The following ELF5 variants were observed in gnomAD, a reference collection of about 807,000 sequenced individuals.
The protein encoded by ELF5 is E74 like ETS transcription factor 5, also known as ETS-related transcription factor Elf-5.
ELF5 carries 31 observed loss-of-function variants against 38.2 expected under a neutral mutation model. The ratio of observed to expected loss-of-function variants is 0.81; its 90% CI spans 0.61 to 1.10. ELF5 has a LOEUF of 1.10. Among genes scored for constraint, ELF5 ranks in the 50% least tolerant of loss-of-function variants. The pLI is 0.00. For missense variants in ELF5, 300 were observed against 306.6 expected, an observed-to-expected ratio of 0.98 and a Z score of 0.16; for synonymous variants, 121 against 112.5, an observed-to-expected ratio of 1.08 and a Z score of -0.48.
intron 1 of ELF5, among the ~76,000 whole-genome samples, chr11:34,513,242 G>T (rs1283981820): frequency 6.6e-6 from 1 of 152,242 alleles, no homozygotes; most frequent in Non-Finnish European, 1.5e-5. Context: ...CTGTATCGAG[G>T]GGGTGGGGGA....
chr11:34,484,525 A>ATACTATAC (rs1849930418), intron 4 of ELF5, among the ~76,000 whole-genome samples: 1 of 151,102 alleles, frequency 6.6e-6, no homozygotes, highest in Admixed American at 6.7e-5. Flanking sequence ...ATACTATACT[A>ATACTATAC]TATTATACTG....
chr11:34,488,289 A>G (rs969464588), intron 4 of ELF5, among the ~76,000 whole-genome samples: 1 of 152,212 alleles, frequency 6.6e-6, no homozygotes, highest in Non-Finnish European at 1.5e-5. Flanking sequence ...GTAAGTGTCC[A>G]ATAAATGTTT....
chr11:34,493,478 C>A lies in ELF5; in HGVS notation c.355+1G>T, dbSNP rs765407580. The A allele has an allele frequency of 1.9e-6, 3 of 1,613,064 alleles. No individual in the cohort carries two copies. The Admixed American group carries it at 5.0e-5, about 27-fold the overall frequency. On this transcript the variant is annotated splice_donor_variant, in intron 3 of 6. Coordinates refer to ENST00000257832, the MANE Select transcript of ELF5 (RefSeq NM_001422.4). LOFTEE classifies it high-confidence loss of function. ...GGAGGTCTGGCCCTCTGAACACTGACCTTGTGTGCGGATGTTCTGGAGGAT... is the reference window on the plus strand; with the variant it reads ...GGAGGTCTGGCCCTCTGAACACTGAACTTGTGTGCGGATGTTCTGGAGGAT...
intron 2 of ELF5, among the ~76,000 whole-genome samples, chr11:34,498,260 T>A (rs1850364000): frequency 6.6e-6 from 1 of 152,206 alleles, no homozygotes; most frequent in Admixed American, 6.5e-5. Context: ...CAAGTGCTCA[T>A]TAAATATCAT....
chr11:34,480,229 C>T lies in ELF5; in HGVS notation c.757G>A (p.Asp253Asn), dbSNP rs767909038. ...FGKNAHGWQE[D>N]KL ...ATGCCTGGAGCAGATCATAGCTTGT[C>T]TTCCTGCCACCCGTGTGCATTTTTT... Residue 253 changes from aspartate (D) to asparagine (N), a missense_variant, in exon 7 of 7, where the codon GAC becomes AAC. Coordinates refer to ENST00000257832, the MANE Select transcript of ELF5 (RefSeq NM_001422.4). 1 of 1,614,020 alleles carries T rather than the reference C, an allele frequency of 6.2e-7. No individual in the cohort carries two copies. Among genetic ancestry groups the T allele is most frequent in the East Asian group, 2.2e-5 (1 of 44,872 alleles).
At chr11:34,507,586 G>A (rs1037251725) in intron 1 of ELF5, among the ~76,000 whole-genome samples, 1 of 152,206 alleles carries the variant, frequency 6.6e-6, no homozygotes, top group Non-Finnish European at 1.5e-5. Flanking sequence ...GCCCCCGCTT[G>A]CACACATTCT....
intron 2 of ELF5, among the ~76,000 whole-genome samples, chr11:34,504,677 C>T (rs929485546): frequency 1.4e-4 from 21 of 152,212 alleles, no homozygotes; most frequent in African/African-American, 4.1e-4. Flanking sequence ...CGCTGAGCAG[C>T]GTGTGCTCCT....
Position 34,480,026 on chromosome 11 carries a change from A to G in ELF5, c.*192T>C. ...CCTTAGGGAGAAGAAAGGATTTCTTAAGAGTTTCTGCTCTCACCCTCCATA... is the reference window on the plus strand; with the variant it reads ...CCTTAGGGAGAAGAAAGGATTTCTTGAGAGTTTCTGCTCTCACCCTCCATA... On this transcript the variant is annotated 3_prime_UTR_variant, in exon 7 of 7. Transcript: ENST00000257832. 1 of 587,898 alleles carries G rather than the reference A, an allele frequency of 1.7e-6. No individual in the cohort carries two copies. Among genetic ancestry groups the G allele is most frequent in the Non-Finnish European group, 3.0e-6 (1 of 333,344 alleles). The allele number at this position is 587,898 out of a possible 1,614,324, so 36.4% of individuals were successfully genotyped here.
At chr11:34,498,121 A>G (rs972243948) in intron 2 of ELF5, among the ~76,000 whole-genome samples, 1 of 152,170 alleles carries the variant, frequency 6.6e-6, no homozygotes, top group Non-Finnish European at 1.5e-5. Context: ...ATGGTCTCTC[A>G]CACTTAGTGG....
At chr11:34,500,079 G>T (rs565127068) in intron 2 of ELF5, among the ~76,000 whole-genome samples, 1 of 152,292 alleles carries the variant, frequency 6.6e-6, no homozygotes, top group South Asian at 2.1e-4. Flanking sequence ...ATTATTTTGG[G>T]AATACATTTG....
intron 2 of ELF5, among the ~76,000 whole-genome samples, chr11:34,503,476 T>C (rs184951589): frequency 1.3e-5 from 2 of 150,098 alleles, no homozygotes; most frequent in South Asian, 4.2e-4. Flanking sequence ...CTTTTTTTTT[T>C]ATCTCACTGT....
At chr11:34,505,501 A>G (rs1850588823) in intron 2 of ELF5, 128 bp downstream of exon 2, 2 of 1,404,248 alleles carry the variant, frequency 1.4e-6, no homozygotes, top group Middle Eastern at 4.7e-4. Context: ...GGAGCCCTCC[A>G]GCCCTCTGCC....
chr11:34,511,563 A>T, intron 1 of ELF5: 1 of 1,614,200 alleles, frequency 6.2e-7, no homozygotes, highest in Non-Finnish European at 8.5e-7. Flanking sequence ...TGAGGCAGAG[A>T]TGGCATGGAA....
chr11:34,508,393 C>T (rs1370254148), intron 1 of ELF5, among the ~76,000 whole-genome samples: 1 of 152,086 alleles, frequency 6.6e-6, no homozygotes. Flanking sequence ...ATCCCAGCTA[C>T]TCGGGAGAGT....
chr11:34,494,733 A>G (rs1035297448), intron 2 of ELF5, among the ~76,000 whole-genome samples: 2 of 152,242 alleles, frequency 1.3e-5, no homozygotes, highest in Non-Finnish European at 2.9e-5. Flanking sequence ...GCTCTTTGAC[A>G]TAAACAATTA....
intron 1 of ELF5, among the ~76,000 whole-genome samples, chr11:34,506,217 G>T (rs892913618): frequency 6.6e-6 from 1 of 152,130 alleles, no homozygotes; most frequent in Non-Finnish European, 1.5e-5. Flanking sequence ...CTATTATCCC[G>T]AGCAAATTAA....
At chr11:34,512,965 G>T (rs1321224743) in intron 1 of ELF5, among the ~76,000 whole-genome samples, 5 of 151,976 alleles carry the variant, frequency 3.3e-5, no homozygotes, top group Non-Finnish European at 1.5e-5. Flanking sequence ...ACACACTTTC[G>T]GGCGTACAAA....
chr11:34,494,264 GTGTGTCAGAAACCA>G (rs1850260327), intron 2 of ELF5, among the ~76,000 whole-genome samples: 1 of 152,184 alleles, frequency 6.6e-6, no homozygotes, highest in South Asian at 2.1e-4. Context: ...AATGCCTACC[GTGTGTCAGAAACCA>G]TTTGAAGCTG....
At chr11:34,502,739 T>G (rs910076865) in intron 2 of ELF5, among the ~76,000 whole-genome samples, 1 of 152,206 alleles carries the variant, frequency 6.6e-6, no homozygotes, top group African/African-American at 2.4e-5. Flanking sequence ...TCTCGAAGGC[T>G]ATTTTATTTT....
Sources: gnomAD v4.1 joint callset for allele counts (sites outside exome capture counted in the v4.1 genomes callset) on GRCh38, gnomAD v4.1.1 for gene constraint, MANE v1.5 for transcripts, NCBI Gene and HGNC (gene_info 2026-07-23, HGNC 2026-07-21) for gene names.